Variants in SPATS2 observed in about 807,000 individuals in gnomAD.
SPATS2 encodes spermatogenesis associated serine rich 2.
SPATS2 carries 38 observed loss-of-function variants against 63.7 expected under a neutral mutation model. That is an observed-to-expected ratio of 0.60 (90% confidence interval 0.46 to 0.78). SPATS2 has a LOEUF of 0.78. Among genes scored for constraint, SPATS2 ranks in the 30% least tolerant of loss-of-function variants. SPATS2 has a pLI of 0.00. For missense variants in SPATS2, 588 were observed against 666.2 expected (o/e 0.88, Z 1.29); for synonymous variants, 207 against 232.9 (o/e 0.89, Z 1.01).
intron 2 of SPATS2, among the ~76,000 whole-genome samples, chr12:49,384,074 A>G (rs1272153032): frequency 6.6e-6 from 1 of 152,190 alleles, no homozygotes; most frequent in Non-Finnish European, 1.5e-5. Flanking sequence ...AAAACTAAGA[A>G]ATTAACACTG....
chr12:49,516,299 G>A (rs1946849794), intron 10 of SPATS2, among the ~76,000 whole-genome samples: 1 of 148,790 alleles, frequency 6.7e-6, no homozygotes, highest in African/African-American at 2.5e-5. Flanking sequence ...GGTCGAGGCT[G>A]CAGTGAGCTG....
At chr12:49,496,649 A>G (rs1446808709) in intron 7 of SPATS2, among the ~76,000 whole-genome samples, 184 bp from the exon 8 acceptor site, 4 of 152,192 alleles carry the variant, frequency 2.6e-5, no homozygotes, top group Non-Finnish European at 5.9e-5. Flanking sequence ...CTAAGCCCGA[A>G]GCTGCCGATA....
chr12:49,435,386 A>G (rs545457451), intron 2 of SPATS2, among the ~76,000 whole-genome samples: 1 of 146,636 alleles, frequency 6.8e-6, no homozygotes, highest in South Asian at 2.1e-4. Flanking sequence ...GTGCCATGGT[A>G]TGATCTTGGC....
intron 2 of SPATS2, among the ~76,000 whole-genome samples, chr12:49,458,534 C>G (rs1163226547): frequency 2.0e-5 from 3 of 151,862 alleles, no homozygotes; most frequent in Admixed American, 2.0e-4. Flanking sequence ...AATCTCAGCA[C>G]TTTGGGAGGC....
At chr12:49,406,721 C>A (rs1944704137) in intron 2 of SPATS2, among the ~76,000 whole-genome samples, 1 of 151,726 alleles carries the variant, frequency 6.6e-6, no homozygotes. Context: ...GAACTATAAC[C>A]CTATTAAAAT....
intron 2 of SPATS2, among the ~76,000 whole-genome samples, chr12:49,459,891 C>T (rs1271997196): frequency 1.4e-5 from 2 of 143,162 alleles, no homozygotes; most frequent in African/African-American, 5.2e-5. Context: ...TCGAGACCAG[C>T]CTGGTCAAGA....
At chr12:49,418,488 C>T (rs1203216539) in intron 2 of SPATS2, among the ~76,000 whole-genome samples, 1 of 151,898 alleles carries the variant, frequency 6.6e-6, no homozygotes, top group Non-Finnish European at 1.5e-5. Context: ...TTAGTAGAGA[C>T]GGGGTTTCGC....
At chr12:49,461,733 G>A (rs919743115) in intron 3 of SPATS2, among the ~76,000 whole-genome samples, 12 of 152,072 alleles carry the variant, frequency 7.9e-5, no homozygotes, top group Non-Finnish European at 4.4e-5. Flanking sequence ...ATAGATCCAG[G>A]TCTCACATGT....
At chr12:49,417,986 C>T (rs1944916604) in intron 2 of SPATS2, among the ~76,000 whole-genome samples, 1 of 152,162 alleles carries the variant, frequency 6.6e-6, no homozygotes, top group African/African-American at 2.4e-5. Flanking sequence ...CTTATGCCAT[C>T]CTCCCACTTC....
At chr12:49,441,856 A>G (rs956453016) in intron 2 of SPATS2, 1 of 152,304 alleles carries the variant, frequency 6.6e-6, no homozygotes, top group South Asian at 2.1e-4. Context: ...CATATACACA[A>G]CATATGCAAA....
chr12:49,470,881 C>A (rs1946023375), intron 3 of SPATS2, among the ~76,000 whole-genome samples: 1 of 152,178 alleles, frequency 6.6e-6, no homozygotes. Context: ...TTAATTTAAG[C>A]TCAGACTTCC....
At chr12:49,390,685 G>C (rs1370125314) in intron 2 of SPATS2, among the ~76,000 whole-genome samples, 5 of 151,996 alleles carry the variant, frequency 3.3e-5, no homozygotes. Flanking sequence ...AGTTTTAAAG[G>C]CTATAGGAAT....
At chr12:49,525,890 A>C (rs1947024410) in intron 13 of SPATS2, 54 bp from the exon 14 acceptor site, 1 of 1,566,918 alleles carries the variant, frequency 6.4e-7, no homozygotes, top group Admixed American at 1.8e-5. Context: ...AAAGTGAACG[A>C]ATGGGGTACC....
intron 3 of SPATS2, among the ~76,000 whole-genome samples, chr12:49,468,152 CTTGT>C (rs1945961115): frequency 8.5e-6 from 1 of 117,108 alleles, no homozygotes; most frequent in Admixed American, 8.7e-5. Flanking sequence ...TCTTTTCTTT[CTTGT>C]TTTTTTTTTT....
chr12:49,477,491 A>G (rs940710532), intron 3 of SPATS2, among the ~76,000 whole-genome samples: 27 of 152,206 alleles, frequency 1.8e-4, no homozygotes, highest in African/African-American at 6.0e-4. Context: ...TAATTGGACA[A>G]GTGTGGATTT....
At chr12:49,374,715 C>T (rs1301642190) in intron 2 of SPATS2, among the ~76,000 whole-genome samples, 1 of 152,120 alleles carries the variant, frequency 6.6e-6, no homozygotes, top group East Asian at 1.9e-4. Flanking sequence ...AATCCCAGCA[C>T]TTTGGGAGGC....
At chr12:49,456,051 C>A (rs943629475) in intron 2 of SPATS2, among the ~76,000 whole-genome samples, 1 of 152,174 alleles carries the variant, frequency 6.6e-6, no homozygotes, top group African/African-American at 2.4e-5. Context: ...ACCAAGAAAG[C>A]GAACTGTTAC....
chr12:49,402,412 C>T (rs549043246), intron 2 of SPATS2, among the ~76,000 whole-genome samples: 62 of 152,160 alleles, frequency 4.1e-4, no homozygotes, highest in Non-Finnish European at 7.5e-4. Context: ...AGTTAGGGTG[C>T]TAGATGGAGC....
intron 2 of SPATS2, among the ~76,000 whole-genome samples, chr12:49,396,402 C>T (rs1351981744): frequency 6.6e-6 from 1 of 152,146 alleles, no homozygotes; most frequent in African/African-American, 2.4e-5. Context: ...TTGCTGATTT[C>T]CTCGTGGGAG....
Sources: gnomAD v4.1 joint callset for allele counts (sites outside exome capture counted in the v4.1 genomes callset) on GRCh38, gnomAD v4.1.1 for gene constraint, MANE v1.5 for transcripts, NCBI Gene and HGNC (gene_info 2026-07-23, HGNC 2026-07-21) for gene names.